Variants in ARID3A observed in about 807,000 individuals in gnomAD.
The protein encoded by ARID3A is AT-rich interactive domain-containing protein 3A.
A neutral mutation model predicts 52.7 loss-of-function variants in ARID3A; 11 were observed. The ratio of observed to expected loss-of-function variants is 0.21; its 90% CI spans 0.13 to 0.35. The LOEUF (loss-of-function observed/expected upper bound fraction) is 0.35, where lower values mean the gene tolerates loss of function less well. Among genes scored for constraint, ARID3A ranks in the 10% least tolerant of loss-of-function variants. The pLI is 1.00. For synonymous variants in ARID3A, 404 were observed against 359.4 expected (o/e 1.12, Z -1.40); for missense variants, 721 against 838.5 (o/e 0.86, Z 1.73).
intron 3 of ARID3A, among the ~76,000 whole-genome samples, chr19:949,047 C>T (rs555694146): frequency 3.9e-5 from 6 of 152,174 alleles, no homozygotes; most frequent in Non-Finnish European, 7.4e-5. Flanking sequence ...GATGTGGCTG[C>T]GGGGGTGCAC....
chr19:960,029 G>C lies in ARID3A; in HGVS notation c.694-63G>C. ...TCCTGACCTGGCCTCCAGTGCAGGA[G>C]GGACATGGTTCCCACACCTGAGCTC... is the stretch of plus-strand genomic sequence containing the variant. On this transcript the variant is annotated intron_variant, in intron 3 of 8. Coordinates refer to ENST00000263620, the MANE Select transcript of ARID3A (RefSeq NM_005224.3). The surrounding 1 kb of genome is among the most constrained non-coding windows in gnomAD (Gnocchi z 4.3). 2 of 1,469,630 alleles carry C rather than the reference G, an allele frequency of 1.4e-6. No homozygotes were observed. The highest frequency in any genetic ancestry group is 1.9e-6 in the Non-Finnish European group (2 of 1,059,426). 91.0% of individuals were successfully genotyped at this position (1,469,630 alleles called of 1,614,324 possible).
chr19:969,935 C>T (rs1453319201), intron 8 of ARID3A, among the ~76,000 whole-genome samples: 5 of 151,898 alleles, frequency 3.3e-5, no homozygotes, highest in East Asian at 1.9e-4. Flanking sequence ...TCAGGTGATC[C>T]GCCTGCCTCG....
Position 972,220 on chromosome 19 carries a change from A to AAGAT in ARID3A, c.*157_*160dup, listed in dbSNP as rs1555732584. The AAGAT allele has an allele frequency of 2.6e-5, 8 of 303,734 alleles. No homozygotes were observed. Among genetic ancestry groups the AAGAT allele is most frequent in the African/African-American group, 1.2e-4 (4 of 34,680 alleles). The allele number at this position is 303,734 out of a possible 1,614,324, so 18.8% of individuals were successfully genotyped here. ...AGCTGACGCCAAAAAGAAAAGAAAA[A>AAGAT]AGATATATATATATATATATATATA... On this transcript the variant is annotated 3_prime_UTR_variant, in exon 9 of 9. Coordinates refer to ENST00000263620, the MANE Select transcript of ARID3A (RefSeq NM_005224.3).
In ARID3A at chr19:939,363, C is replaced by T. The variant is rs551760841; in HGVS notation, c.693+6621C>T. Among the ~76,000 whole-genome samples the T allele has an allele frequency of 4.0e-3, 611 of 152,226 alleles. 2 individuals are homozygous for T. Among genetic ancestry groups the T allele is most frequent in the Non-Finnish European group, 6.4e-3 (438 of 68,006 alleles). On this transcript the variant is annotated intron_variant, in intron 3 of 8. Transcript: ENST00000263620. ...CGTATTCCTGACCTCGTGATCTGCC[C>T]GCCTCGGCCTCCCAGAGTGCTGGGA...
rs576173801 is a variant in ARID3A, at chr19:947,385, G to A, written c.694-12707G>A. Among the ~76,000 whole-genome samples, 6 of 152,294 alleles carry A rather than the reference G, an allele frequency of 3.9e-5. No individual in the cohort carries two copies. Among genetic ancestry groups the A allele is most frequent in the African/African-American group, 1.2e-4 (5 of 41,560 alleles). Reference sequence around the variant, plus strand: ...ACCAACTTTCTGGAAGTGCCTGTCAGCTGATCCCACCCCGGCCACATCTCA... The same window carrying A: ...ACCAACTTTCTGGAAGTGCCTGTCAACTGATCCCACCCCGGCCACATCTCA... On this transcript the variant is annotated intron_variant, in intron 3 of 8. Transcript: ENST00000263620. The surrounding 1 kb of genome is among the most constrained non-coding windows in gnomAD (Gnocchi z 6.3).
At chr19:934,372 C>T (rs1386265528) in intron 3 of ARID3A, among the ~76,000 whole-genome samples, 1 of 152,152 alleles carries the variant, frequency 6.6e-6, no homozygotes, top group Non-Finnish European at 1.5e-5. Context: ...AGGGGCCAGG[C>T]GCCCTGACCC....
chr19:926,443 G>C (rs1208065475), intron 1 of ARID3A, among the ~76,000 whole-genome samples: 3 of 151,322 alleles, frequency 2.0e-5, no homozygotes, highest in African/African-American at 7.3e-5. Flanking sequence ...GGGGTCGCGA[G>C]TGCGCGCCCC....
At position 947,976 on chromosome 19, in the gene ARID3A, T is replaced by C. The variant is rs1599403388; in HGVS notation, c.694-12116T>C. The stretch of plus-strand genomic sequence containing the variant: ...CGGGGGAGCCCCCCGGCTGGTCAGG[T>C]GCACGAGGAGCAACCCATGGCCAGG... On this transcript the variant is annotated intron_variant, in intron 3 of 8. Coordinates refer to ENST00000263620, the MANE Select transcript of ARID3A (RefSeq NM_005224.3). The surrounding 1 kb of genome is among the most constrained non-coding windows in gnomAD (Gnocchi z 6.3). Among the ~76,000 whole-genome samples the C allele has an allele frequency of 6.6e-6, 1 of 152,186 alleles. No homozygotes were observed. The highest frequency in any genetic ancestry group is 2.4e-5 in the African/African-American group (1 of 41,528).
At position 950,351 on chromosome 19, in the gene ARID3A, G is replaced by T. The variant is rs77865688; in HGVS notation, c.694-9741G>T. Among the ~76,000 whole-genome samples the T allele has an allele frequency of 6.9e-4, 43 of 61,918 alleles. 1 individual carries two copies. The highest frequency in any genetic ancestry group is 1.7e-3 in the East Asian group (4 of 2,324). The allele number at this position is 61,918 out of a possible 152,430, so 40.6% of individuals were successfully genotyped here. On this transcript the variant is annotated intron_variant, in intron 3 of 8. Transcript: ENST00000263620. ...CGGATGGATGAGGCCGTCCCCAGAG[G>T]GAACGGATGGATGAGGCCGTCCCCA...
At chr19:957,354 C>G (rs1359142248) in intron 3 of ARID3A, among the ~76,000 whole-genome samples, 2 of 152,216 alleles carry the variant, frequency 1.3e-5, no homozygotes, top group African/African-American at 4.8e-5. Flanking sequence ...GGCCAAGTCC[C>G]CAGCAGCCCC....
chr19:939,736 C>T (rs780117417), intron 3 of ARID3A, among the ~76,000 whole-genome samples: 31 of 152,116 alleles, frequency 2.0e-4, no homozygotes, highest in African/African-American at 3.4e-4. Context: ...CCCCTCGTGG[C>T]GCTGGACACC....
chr19:948,401 G>C (rs1599403872), intron 3 of ARID3A, among the ~76,000 whole-genome samples: 1 of 152,152 alleles, frequency 6.6e-6, no homozygotes, highest in East Asian at 1.9e-4. Context: ...GAAAAACAGC[G>C]AGATTCAAAA....
At chr19:951,180 CTCCTGGGCTCAAGTGA>C (rs981042003) in intron 3 of ARID3A, among the ~76,000 whole-genome samples, 2 of 152,076 alleles carry the variant, frequency 1.3e-5, no homozygotes, top group African/African-American at 4.8e-5. Context: ...TGATCTCAAA[CTCCTGGGCTCAAGTGA>C]TCCTTCTGCC....
In ARID3A at chr19:972,049, A is replaced by G; in HGVS notation, c.1766A>G (p.Asn589Ser). ...GLSTPSTSTS[N>S]NSLP is the part of the protein sequence containing the mutation. ...TCCACACCCTCCACATCTACCTCAA[A>G]TAACTCGTTGCCTTAACCGCATCAC... The change falls in exon 9 of 9, where the codon AAT (asparagine) becomes AGT (serine). Residue 589 changes from asparagine to serine, a missense_variant. This residue lies in a region of ARID3A where 297 missense variants were observed against 343.2 expected (regional missense o/e 0.87). Transcript: ENST00000263620. 6.4e-7 allele frequency: 1 copy of G among 1,567,270 alleles called. No individual in the cohort carries two copies. Among genetic ancestry groups the G allele is most frequent in the Non-Finnish European group, 8.6e-7 (1 of 1,158,722 alleles).
chr19:967,782 C>T (rs1385317879), intron 7 of ARID3A, among the ~76,000 whole-genome samples: 1 of 151,772 alleles, frequency 6.6e-6, no homozygotes, highest in African/African-American at 2.4e-5. Context: ...CGGTGGCCCA[C>T]GCCTGTAATC....
Position 938,697 on chromosome 19 carries a change from TG to T in ARID3A, c.693+5959del, listed in dbSNP as rs962600231. ...CTGACAGCTGGGCGTGTGTGGGCAC[TG>T]GGGCAGGGACGGCCACCAGCAGCCT... On this transcript the variant is annotated intron_variant, in intron 3 of 8. Coordinates refer to ENST00000263620, the MANE Select transcript of ARID3A (RefSeq NM_005224.3). This position sits in a 1 kb window ranked among gnomAD's most constrained non-coding sequence, Gnocchi z 4.0. Among the ~76,000 whole-genome samples, 21 of 151,978 alleles carry T rather than the reference TG, an allele frequency of 1.4e-4. No homozygotes were observed. Among genetic ancestry groups the T allele is most frequent in the African/African-American group, 4.6e-4 (19 of 41,468 alleles).
At chr19:961,459 C>A (rs975674133) in intron 4 of ARID3A, among the ~76,000 whole-genome samples, 1 of 152,192 alleles carries the variant, frequency 6.6e-6, no homozygotes, top group African/African-American at 2.4e-5. Context: ...GCCCACTGCC[C>A]CCTGTGAGGC....
chr19:929,559 T>C lies in ARID3A; in HGVS notation c.31T>C (p.Leu11=). 1 of 1,520,954 alleles carries C rather than the reference T, an allele frequency of 6.6e-7. No individual in the cohort carries two copies. Among genetic ancestry groups the C allele is most frequent in the African/African-American group, 1.4e-5 (1 of 71,110 alleles). 94.2% of individuals were successfully genotyped at this position (1,520,954 alleles called of 1,614,324 possible). The change falls in exon 2 of 9, where the codon TTG becomes CTG. Residue 11 remains leucine, a synonymous_variant. Coordinates refer to ENST00000263620, the MANE Select transcript of ARID3A (RefSeq NM_005224.3). The surrounding 1 kb of genome is among the most constrained non-coding windows in gnomAD (Gnocchi z 6.2). ...ACTACAGGCCGTGATGGAGACGCTG[T>C]TGCAGCGGCAGCAGCGGGCGCGCCA... MKLQAVMETL[L]QRQQRARQEL... is the part of the protein sequence containing the mutation.
At chr19:940,382 C>T (rs371979048) in intron 3 of ARID3A, among the ~76,000 whole-genome samples, 61 of 151,794 alleles carry the variant, frequency 4.0e-4, no homozygotes, top group African/African-American at 1.4e-3. Context: ...TCCTGGGCCG[C>T]GGGTCAGTCA....
Sources: allele counts gnomAD v4.1 joint callset (sites outside exome capture counted in the v4.1 genomes callset), GRCh38; gene constraint gnomAD v4.1.1; regional missense constraint gnomAD v4.1.1; non-coding constraint Gnocchi (gnomAD v3.1); transcripts MANE v1.5; gene names NCBI Gene and HGNC (gene_info 2026-07-23, HGNC 2026-07-21).